ITGB5: variants seen among roughly 807,000 people sequenced by gnomAD.
ITGB5 encodes integrin subunit beta 5.
ITGB5 carries 38 observed loss-of-function variants against 84.8 expected under a neutral mutation model. The observed-to-expected ratio is 0.45, with a 90% CI of 0.35 to 0.59. The LOEUF (loss-of-function observed/expected upper bound fraction) is 0.59, where lower values mean the gene tolerates loss of function less well. Among genes scored for constraint, ITGB5 ranks in the 20% least tolerant of loss-of-function variants. ITGB5 has a pLI of 0.01. For synonymous variants in ITGB5, 393 were observed against 414.4 expected (o/e 0.95, Z 0.63); for missense variants, 905 against 1,034.5 (o/e 0.87, Z 1.72).
At position 124,841,493 on chromosome 3, in the gene ITGB5, T is replaced by A. The variant is rs772141025; in HGVS notation, c.670A>T (p.Thr224Ser). 1 of 1,614,110 alleles carries A rather than the reference T, an allele frequency of 6.2e-7. No homozygotes were observed. The highest frequency in any genetic ancestry group is 8.5e-7 in the Non-Finnish European group (1 of 1,179,994). The change falls in exon 5 of 15, where the codon ACA (threonine) becomes TCA (serine). Residue 224 changes from threonine (T) to serine (S), a missense_variant. Thr to Ser is a moderately conservative substitution (Grantham distance 58). Coordinates refer to ENST00000296181, the MANE Select transcript of ITGB5 (RefSeq NM_002213.5). ...TCATTGAAGCTGTCCACTCTGTCTG[T>A]GAGAGGCAGCAGATGGCGGAACCCA... ...SFGFRHLLPLTDRVDSFNEEV... is the reference protein window; with the variant it reads ...SFGFRHLLPLSDRVDSFNEEV...
At chr3:124,882,300 T>TG (rs1430828083) in intron 1 of ITGB5, among the ~76,000 whole-genome samples, 1 of 152,124 alleles carries the variant, frequency 6.6e-6, no homozygotes, top group Non-Finnish European at 1.5e-5. Flanking sequence ...TTACATTAGA[T>TG]GGTGGTGAGT....
intron 9 of ITGB5, among the ~76,000 whole-genome samples, chr3:124,800,402 T>A (rs993295879): frequency 3.9e-5 from 6 of 152,208 alleles, no homozygotes; most frequent in Non-Finnish European, 8.8e-5. Context: ...CTTGCTGATG[T>A]GTCTGGGAGA....
chr3:124,834,245 A>C (rs79285968), intron 5 of ITGB5, among the ~76,000 whole-genome samples: 8,554 of 151,966 alleles, frequency 0.056, 326 homozygotes, highest in African/African-American at 0.099. Context: ...ATGTGTCAAC[A>C]CTGACTGGGT....
intron 9 of ITGB5, among the ~76,000 whole-genome samples, chr3:124,807,162 T>C (rs2064417858): frequency 6.6e-6 from 1 of 152,258 alleles, no homozygotes; most frequent in East Asian, 1.9e-4. Flanking sequence ...ACACCTATAA[T>C]GCCAGCACTT....
intron 2 of ITGB5, among the ~76,000 whole-genome samples, chr3:124,871,211 T>C (rs908621757): frequency 6.6e-6 from 1 of 151,992 alleles, no homozygotes; most frequent in Non-Finnish European, 1.5e-5. Flanking sequence ...TTCTTTTTTT[T>C]TGAGACAGAG....
chr3:124,835,676 G>A (rs890275932), intron 5 of ITGB5, among the ~76,000 whole-genome samples: 1 of 152,228 alleles, frequency 6.6e-6, no homozygotes, highest in African/African-American at 2.4e-5. Flanking sequence ...TTGAGGAGTG[G>A]GGGGATGCCT....
intron 3 of ITGB5, among the ~76,000 whole-genome samples, chr3:124,851,608 A>AACACACACACACACAC (rs3836319): frequency 8.9e-5 from 13 of 146,042 alleles, no homozygotes; most frequent in African/African-American, 2.8e-4. Context: ...TCAGTAAGAA[A>AACACACACACACACAC]ACACACACAC....
At chr3:124,823,244 C>G (rs2064733515) in intron 5 of ITGB5, among the ~76,000 whole-genome samples, 3 of 151,688 alleles carry the variant, frequency 2.0e-5, no homozygotes, top group Admixed American at 2.0e-4. Flanking sequence ...GCCTGGGCAA[C>G]AGAGCAAGAT....
chr3:124,861,101 A>T (rs2065290043), intron 2 of ITGB5, among the ~76,000 whole-genome samples: 1 of 151,972 alleles, frequency 6.6e-6, no homozygotes, highest in South Asian at 2.1e-4. Context: ...AAGAACAAGA[A>T]GTCAAGAAGA....
chr3:124,771,952 G>C (rs1440419786), intron 11 of ITGB5, among the ~76,000 whole-genome samples: 1 of 152,104 alleles, frequency 6.6e-6, no homozygotes, highest in African/African-American at 2.4e-5. Flanking sequence ...TGCTCCATAG[G>C]AAGGCAAGAC....
chr3:124,784,450 A>T (rs2064051467), intron 10 of ITGB5, among the ~76,000 whole-genome samples: 1 of 152,228 alleles, frequency 6.6e-6, no homozygotes, highest in Non-Finnish European at 1.5e-5. Flanking sequence ...GCCTGCAATG[A>T]GCTGTGATTC....
At chr3:124,826,658 A>G (rs1427057162) in intron 5 of ITGB5, among the ~76,000 whole-genome samples, 1 of 152,228 alleles carries the variant, frequency 6.6e-6, no homozygotes, top group Non-Finnish European at 1.5e-5. Flanking sequence ...ATTCGTATAC[A>G]GAGAAGAACT....
chr3:124,867,307 G>A (rs1017898859), intron 2 of ITGB5, among the ~76,000 whole-genome samples: 6 of 152,256 alleles, frequency 3.9e-5, no homozygotes, highest in Admixed American at 2.0e-4. Context: ...CTCCACAGTG[G>A]TGGCCTTGCC....
chr3:124,809,951 A>G (rs1037830244), intron 8 of ITGB5, among the ~76,000 whole-genome samples: 8 of 152,234 alleles, frequency 5.3e-5, no homozygotes, highest in Non-Finnish European at 7.3e-5. Context: ...CCATTAGGCT[A>G]TATCTACTAA....
In ITGB5 at chr3:124,873,542, AG is replaced by A. The variant is rs1934159830; in HGVS notation, c.71-12del. On this transcript the variant is annotated splice_polypyrimidine_tract_variant and intron_variant, in intron 1 of 14. Transcript: ENST00000296181. ...TGCATATGTTGAGACCTTTAAAGCA[AG>A]ATAAAGATGCACTAATTAGTTCCTG... 6.3e-7 allele frequency: 1 copy of A among 1,593,206 alleles called. No individual in the cohort carries two copies. Among genetic ancestry groups the A allele is most frequent in the Admixed American group, 1.7e-5 (1 of 59,996 alleles).
chr3:124,845,846 G>T (rs1674472027), intron 4 of ITGB5, among the ~76,000 whole-genome samples: 1 of 152,084 alleles, frequency 6.6e-6, no homozygotes, highest in Admixed American at 6.5e-5. Flanking sequence ...ATTGAAAAAA[G>T]GCTTAAGGCT....
chr3:124,836,657 A>C (rs1239949226), intron 5 of ITGB5, among the ~76,000 whole-genome samples: 2 of 152,172 alleles, frequency 1.3e-5, no homozygotes, highest in Non-Finnish European at 2.9e-5. Context: ...CACCCCTGTA[A>C]AATGGGAACA....
intron 3 of ITGB5, among the ~76,000 whole-genome samples, chr3:124,855,164 T>C (rs1453213129): frequency 6.6e-6 from 1 of 151,918 alleles, no homozygotes. Context: ...AATACAAAAA[T>C]TAGCCAGGTG....
intron 11 of ITGB5, 93 bp downstream of exon 11, chr3:124,773,597 G>A: frequency 9.1e-7 from 1 of 1,103,100 alleles, no homozygotes; most frequent in Non-Finnish European, 1.3e-6. Flanking sequence ...AGGAGGTGAG[G>A]AGTGGAGGCT....
Sources: gnomAD v4.1 joint callset for allele counts (sites outside exome capture counted in the v4.1 genomes callset) on GRCh38, gnomAD v4.1.1 for gene constraint, MANE v1.5 for transcripts, NCBI Gene and HGNC (gene_info 2026-07-23, HGNC 2026-07-21) for gene names.